The following DDX6 variants were observed in gnomAD, a reference collection of about 807,000 sequenced individuals.
The protein encoded by DDX6 is DEAD-box helicase 6.
DDX6 carries 7 observed loss-of-function variants against 60.6 expected under a neutral mutation model. The observed-to-expected ratio is 0.12, with a 90% CI of 0.07 to 0.22. DDX6 has a LOEUF of 0.22. Ranked by LOEUF, DDX6 falls within the 10% of genes least tolerant of loss-of-function variation. DDX6 has a pLI of 1.00. For synonymous variants in DDX6, 207 were observed against 201.0 expected (o/e 1.03, Z -0.25); for missense variants, 270 against 589.9 (o/e 0.46, Z 5.62).
At chr11:118,781,666 A>G (rs2137537753) in intron 2 of DDX6, among the ~76,000 whole-genome samples, 1 of 152,280 alleles carries the variant, frequency 6.6e-6, no homozygotes, top group East Asian at 1.9e-4. Context: ...GGTGGCTCCC[A>G]TCAGTAATCC....
intron 7 of DDX6, among the ~76,000 whole-genome samples, chr11:118,760,476 G>A (rs1252983031): frequency 6.6e-6 from 1 of 152,056 alleles, no homozygotes; most frequent in Non-Finnish European, 1.5e-5. Flanking sequence ...CTCCACAACA[G>A]AATTTTAATG....
At chr11:118,785,862 T>C (rs901429274) in intron 2 of DDX6, 190 bp downstream of exon 2, 2 of 500,298 alleles carry the variant, frequency 4.0e-6, no homozygotes, top group Non-Finnish European at 6.8e-6. Flanking sequence ...GGATGACTAC[T>C]TGCTGAACAA....
At chr11:118,790,773 C>CA (rs1210447480) in intron 1 of DDX6, 1 of 150,766 alleles carries the variant, frequency 6.6e-6, no homozygotes, top group Non-Finnish European at 1.5e-5. Flanking sequence ...CCTTAGGCCT[C>CA]CGCCCGAGAG....
chr11:118,764,008 A>G (rs1182767828), intron 6 of DDX6, among the ~76,000 whole-genome samples: 3 of 152,242 alleles, frequency 2.0e-5, no homozygotes, highest in African/African-American at 4.8e-5. Flanking sequence ...AGCTTCCTAA[A>G]TCACCTGCTG....
intron 7 of DDX6, among the ~76,000 whole-genome samples, 197 bp from the exon 8 acceptor site, chr11:118,760,241 A>AG (rs368575706): frequency 1.3e-5 from 2 of 152,150 alleles, no homozygotes; most frequent in African/African-American, 4.8e-5. Context: ...CCCATCTTCT[A>AG]GGGGAAAAAA....
At position 118,751,245 on chromosome 11, in the gene DDX6, G is replaced by C. The variant is rs1410019810; in HGVS notation, c.*860C>G. On this transcript the variant is annotated 3_prime_UTR_variant, in exon 14 of 14. Coordinates refer to ENST00000534980, the MANE Select transcript of DDX6 (RefSeq NM_004397.6). ...GGAGGCATATGTAACCCAGTCTTTA[G>C]TGTCTGCTATAGAGCACAAAGGCTT... is the stretch of plus-strand genomic sequence containing the variant. 6.6e-6 allele frequency: 1 copy of C among 152,156 alleles called. No homozygotes were observed. Among genetic ancestry groups the C allele is most frequent in the Non-Finnish European group, 1.5e-5 (1 of 68,016 alleles). The allele number at this position is 152,156 out of a possible 1,614,324, so 9.4% of individuals were successfully genotyped here. A position where few individuals can be genotyped will look rare whatever the true frequency, so the allele number is the denominator to read the frequency against.
At chr11:118,762,159 T>A (rs1861192527) in intron 7 of DDX6, among the ~76,000 whole-genome samples, 1 of 151,412 alleles carries the variant, frequency 6.6e-6, no homozygotes, top group Non-Finnish European at 1.5e-5. Flanking sequence ...AATTGTAATC[T>A]CAGCTACTCA....
chr11:118,754,748 T>C lies in DDX6; in HGVS notation c.1416A>G (p.Glu472=). Residue 472 remains glutamate, a synonymous_variant, in exon 13 of 14, where the codon GAA becomes GAG. Transcript: ENST00000534980. ...CATCTTCTACAGGCTCGCTGTGGTA[T>C]TCTGCCACATACAGGCTCTTATCAA... The part of the protein sequence containing the change: ...SNIDKSLYVA[E]YHSEPVEDEK... 6.2e-7 allele frequency: 1 copy of C among 1,613,256 alleles called. No homozygotes were observed. Among genetic ancestry groups the C allele is most frequent in the Non-Finnish European group, 8.5e-7 (1 of 1,179,732 alleles).
rs546598079 is a variant in DDX6, at chr11:118,772,065, A to C, written c.370-3713T>G. Among the ~76,000 whole-genome samples, 299 of 152,318 alleles carry C rather than the reference A, an allele frequency of 2.0e-3. 1 individual carries two copies. The highest frequency in any genetic ancestry group is 7.1e-3 in the African/African-American group (293 of 41,552). The stretch of plus-strand genomic sequence containing the variant: ...AAACTTTATTCATAAATAAAACTTC[A>C]TAAGGTTAAAGCAGGGTCAGTTCCT... On this transcript the variant is annotated intron_variant, in intron 4 of 13. Coordinates refer to ENST00000534980, the MANE Select transcript of DDX6 (RefSeq NM_004397.6).
chr11:118,777,906 A>AAC (rs1436778073), intron 4 of DDX6, among the ~76,000 whole-genome samples: 1 of 151,052 alleles, frequency 6.6e-6, no homozygotes, highest in Non-Finnish European at 1.5e-5. Flanking sequence ...AGAAAAAAAA[A>AAC]AAAAAAAACC....
intron 10 of DDX6, 112 bp downstream of exon 10, chr11:118,757,059 G>T: frequency 3.7e-6 from 2 of 541,244 alleles, no homozygotes; most frequent in African/African-American, 2.0e-5. Flanking sequence ...AAGGTCCTTT[G>T]GCTACTAAGG....
chr11:118,763,187 A>AT (rs1565565646), intron 7 of DDX6, 25 bp downstream of exon 7: 1 of 1,525,956 alleles, frequency 6.6e-7, no homozygotes. Flanking sequence ...ACAGAACAGT[A>AT]TAATGCCAAA....
At position 118,779,156 on chromosome 11, in the gene DDX6, CA is replaced by C. The variant is rs5795140; in HGVS notation, c.369+475del. On this transcript the variant is annotated intron_variant, in intron 4 of 13. Transcript: ENST00000534980. The stretch of plus-strand genomic sequence containing the variant: ...GGGTGACAGGGCAAGACCCAGTTGC[CA>C]AAAAAAAAAAAAAAAAAGAGGGATG... Among the ~76,000 whole-genome samples the C allele has an allele frequency of 2.5e-4, 31 of 125,874 alleles. 2 individuals carry two copies. The highest frequency in any genetic ancestry group is 3.4e-4 in the African/African-American group (11 of 32,668). 82.6% of individuals were successfully genotyped at this position (125,874 alleles called of 152,430 possible). A position where few individuals can be genotyped will look rare whatever the true frequency, so the allele number is the denominator to read the frequency against.
rs1862070779 is a variant in DDX6, at chr11:118,786,239, T to C, written c.13A>G (p.Arg5Gly). MSTA[R>G]TENPVIMGLS... ...CCCATTATAACAGGGTTCTCTGTTC[T>C]GGCCGTGCTCATGCTGTTTTAATTG... Residue 5 changes from arginine to glycine, a missense_variant, in exon 2 of 14, where the codon AGA becomes GGA. Transcript: ENST00000534980. The C allele has an allele frequency of 6.2e-7, 1 of 1,605,746 alleles. No individual in the cohort carries two copies. Among genetic ancestry groups the C allele is most frequent in the Non-Finnish European group, 8.5e-7 (1 of 1,176,238 alleles).
chr11:118,749,710 T>C lies in DDX6; in HGVS notation c.*2395A>G, dbSNP rs1555156723. The stretch of plus-strand genomic sequence containing the variant: ...TTTCTTCTACATGAATGATCCCTCT[T>C]ATCTCGCAAGAGGTGGGGGAGAAAG... On this transcript the variant is annotated 3_prime_UTR_variant, in exon 14 of 14. Transcript: ENST00000534980. The C allele has an allele frequency of 6.6e-6, 1 of 152,652 alleles. No individual in the cohort carries two copies. Among genetic ancestry groups the C allele is most frequent in the Non-Finnish European group, 1.5e-5 (1 of 68,036 alleles). The allele number at this position is 152,652 out of a possible 1,614,324, so 9.5% of individuals were successfully genotyped here.
intron 8 of DDX6, chr11:118,759,180 C>T: frequency 3.3e-6 from 1 of 303,068 alleles, no homozygotes; most frequent in Non-Finnish European, 6.3e-6. Context: ...CTGCCTCGGC[C>T]TCCCGAGTAG....
rs1555164656 is a variant in DDX6, at chr11:118,781,199, G to C, written c.201-15C>G. ...CATCACCAGGTCTAGAGAGAATACA[G>C]TAAACTTGAAGTATCAAAATTCATA... On this transcript the variant is annotated splice_polypyrimidine_tract_variant and intron_variant, in intron 2 of 13. Coordinates refer to ENST00000534980, the MANE Select transcript of DDX6 (RefSeq NM_004397.6). The C allele has an allele frequency of 6.4e-7, 1 of 1,560,180 alleles. No individual in the cohort carries two copies. The highest frequency in any genetic ancestry group is 8.8e-7 in the Non-Finnish European group (1 of 1,138,914).
At position 118,750,675 on chromosome 11, in the gene DDX6, T is replaced by C. The variant is rs375108343; in HGVS notation, c.*1430A>G. On this transcript the variant is annotated 3_prime_UTR_variant, in exon 14 of 14. Transcript: ENST00000534980. Reference sequence around the variant, plus strand: ...TCAATGACACTGCCACTCAATAGAATTCCTACACTGCAAGGTAGATTAATC... The same window carrying C: ...TCAATGACACTGCCACTCAATAGAACTCCTACACTGCAAGGTAGATTAATC... 156 of 152,248 alleles carry C rather than the reference T, an allele frequency of 1.0e-3. No individual in the cohort carries two copies. Among genetic ancestry groups the C allele is most frequent in the African/African-American group, 3.6e-3 (148 of 41,544 alleles). The allele number at this position is 152,248 out of a possible 1,614,324, so 9.4% of individuals were successfully genotyped here.
At chr11:118,788,116 C>A (rs945483025) in intron 1 of DDX6, 1 of 151,948 alleles carries the variant, frequency 6.6e-6, no homozygotes, top group African/African-American at 2.4e-5. Context: ...TTCAAGACCA[C>A]CTGACCAACA....
Sources: allele counts gnomAD v4.1 joint callset (sites outside exome capture counted in the v4.1 genomes callset), GRCh38; gene constraint gnomAD v4.1.1; transcripts MANE v1.5; gene names NCBI Gene and HGNC (gene_info 2026-07-23, HGNC 2026-07-21).